Variants in DENND2A observed in about 807,000 individuals in gnomAD.
DENND2A encodes the protein DENN domain containing 2A, also known as DENN domain-containing protein 2A.
DENND2A carries 53 observed loss-of-function variants against 105.3 expected under a neutral mutation model. The ratio of observed to expected loss-of-function variants is 0.50; its 90% CI spans 0.40 to 0.63. DENND2A has a LOEUF of 0.63. DENND2A is among the 30% of genes least tolerant of loss of function. The probability of loss-of-function intolerance (pLI) is 0.00; values close to 1 mark genes in which losing one functional copy is unlikely to be tolerated. For missense variants in DENND2A, 1,138 were observed against 1,279.6 expected (o/e 0.89, Z 1.69); for synonymous variants, 522 against 508.4 (o/e 1.03, Z -0.36).
chr7:140,535,919 G>A (rs1354786577), intron 14 of DENND2A, among the ~76,000 whole-genome samples: 5 of 152,148 alleles, frequency 3.3e-5, no homozygotes, highest in Non-Finnish European at 7.4e-5. Flanking sequence ...GATGAACCCA[G>A]AAGAGAGAGC....
intron 1 of DENND2A, among the ~76,000 whole-genome samples, chr7:140,629,925 T>TC (rs943974533): frequency 6.7e-6 from 1 of 149,816 alleles, no homozygotes; most frequent in African/African-American, 2.5e-5. Context: ...TGGCGCAATC[T>TC]CAGCTCACCA....
chr7:140,542,049 A>C (rs1344441333), intron 14 of DENND2A, among the ~76,000 whole-genome samples: 1 of 150,878 alleles, frequency 6.6e-6, no homozygotes, highest in African/African-American at 2.4e-5. Flanking sequence ...ACAGTGCTTC[A>C]GGTTTTTTTT....
intron 1 of DENND2A, among the ~76,000 whole-genome samples, chr7:140,614,514 C>T (rs1800014666): frequency 6.6e-6 from 1 of 152,142 alleles, no homozygotes; most frequent in Non-Finnish European, 1.5e-5. Context: ...TTTTGGTTTA[C>T]AGGATTGTAA....
intron 14 of DENND2A, among the ~76,000 whole-genome samples, chr7:140,532,991 C>CTT (rs3042406): frequency 0.27 from 32,504 of 119,992 alleles, 5,106 homozygotes; most frequent in Non-Finnish European, 0.3. Context: ...AGGCTACCTG[C>CTT]TTTTTTTTTT....
intron 1 of DENND2A, among the ~76,000 whole-genome samples, chr7:140,617,159 G>T (rs1460665475): frequency 6.6e-6 from 1 of 152,218 alleles, no homozygotes; most frequent in African/African-American, 2.4e-5. Flanking sequence ...TGCACAGCCT[G>T]TAAGGCAGTA....
At chr7:140,614,788 A>G (rs753202145) in intron 1 of DENND2A, among the ~76,000 whole-genome samples, 1 of 152,116 alleles carries the variant, frequency 6.6e-6, no homozygotes, top group Non-Finnish European at 1.5e-5. Flanking sequence ...ATGTAATACA[A>G]CTCTTGCTAT....
At chr7:140,567,808 T>A (rs1261375233) in intron 8 of DENND2A, among the ~76,000 whole-genome samples, 1 of 152,128 alleles carries the variant, frequency 6.6e-6, no homozygotes, top group Non-Finnish European at 1.5e-5. Flanking sequence ...CCACCTCCCC[T>A]CCTGCCACTA....
At chr7:140,611,195 C>T (rs202231936) in intron 1 of DENND2A, among the ~76,000 whole-genome samples, 22 of 152,102 alleles carry the variant, frequency 1.4e-4, no homozygotes, top group East Asian at 3.9e-4. Context: ...GCATGCGCCA[C>T]CACAACTGGC....
chr7:140,534,307 A>T (rs1311741814), intron 14 of DENND2A, among the ~76,000 whole-genome samples: 2 of 149,782 alleles, frequency 1.3e-5, no homozygotes, highest in Non-Finnish European at 1.5e-5. Context: ...CTTATCTCTA[A>T]CTCTTGACCT....
intron 9 of DENND2A, among the ~76,000 whole-genome samples, chr7:140,562,688 C>A (rs866566897): frequency 7.1e-4 from 107 of 150,214 alleles, no homozygotes; most frequent in Admixed American, 3.1e-3. Flanking sequence ...ACAACAACAA[C>A]AAAAAAACCC....
At chr7:140,609,894 G>T (rs1799831060) in intron 1 of DENND2A, 1 of 152,160 alleles carries the variant, frequency 6.6e-6, no homozygotes, top group South Asian at 2.1e-4. Flanking sequence ...TTCACAGTCA[G>T]TTACGCATCC....
chr7:140,600,389 G>A (rs1323171923), intron 3 of DENND2A, among the ~76,000 whole-genome samples: 1 of 148,278 alleles, frequency 6.7e-6, no homozygotes, highest in Non-Finnish European at 1.5e-5. Flanking sequence ...AAAGTCTCAG[G>A]TCTGGCCCTG....
intron 5 of DENND2A, among the ~76,000 whole-genome samples, chr7:140,578,139 A>G (rs752555366): frequency 3.9e-5 from 6 of 152,176 alleles, no homozygotes; most frequent in Admixed American, 6.6e-5. Context: ...AAGGGAAAAG[A>G]GACAAGAACC....
At chr7:140,546,968 A>G (rs762626132) in intron 12 of DENND2A, 29 bp from the exon 13 acceptor site, 1 of 1,600,600 alleles carries the variant, frequency 6.2e-7, no homozygotes, top group Admixed American at 1.7e-5. Context: ...CAGCTTAGCT[A>G]TTCCGAAGCC....
chr7:140,536,482 G>A (rs1796460185), intron 14 of DENND2A, among the ~76,000 whole-genome samples: 1 of 152,124 alleles, frequency 6.6e-6, no homozygotes, highest in Admixed American at 6.5e-5. Context: ...GACTCCAAGA[G>A]AAGAACTGGA....
intron 5 of DENND2A, among the ~76,000 whole-genome samples, chr7:140,579,048 C>A (rs113547216): frequency 0.034 from 5,133 of 152,230 alleles, 299 homozygotes; most frequent in African/African-American, 0.11. Context: ...GTAATTCCAG[C>A]ACTTTGGGAG....
chr7:140,539,693 T>C (rs1796584211), intron 14 of DENND2A, among the ~76,000 whole-genome samples: 1 of 152,198 alleles, frequency 6.6e-6, no homozygotes, highest in Non-Finnish European at 1.5e-5. Context: ...ATGACGCAGG[T>C]CAGACCCTCA....
At position 140,567,304 on chromosome 7, in the gene DENND2A, A is replaced by AAGAGAGAGAGAGAGAGAGAGAGAG. The variant is rs60964847; in HGVS notation, c.1592-55_1592-32dup. On this transcript the variant is annotated intron_variant, in intron 8 of 19. Coordinates refer to ENST00000496613, the MANE Select transcript of DENND2A (RefSeq NM_015689.5). ...TGAGGGAGGGAGAGAGAAAGAGAGAAAGAGAGAGAGAGAGAGAGAGAGAGA... is the reference window on the plus strand; with the variant it reads ...TGAGGGAGGGAGAGAGAAAGAGAGAAAGAGAGAGAGAGAGAGAGAGAGAGAGAGAGAGAGAGAGAGAGAGAGAGA... 11 of 659,898 alleles carry AAGAGAGAGAGAGAGAGAGAGAGAG rather than the reference A, an allele frequency of 1.7e-5. No homozygotes were observed. The African/African-American group carries it at 2.5e-4, about 15-fold the overall frequency. 40.9% of individuals were successfully genotyped at this position (659,898 alleles called of 1,614,324 possible).
At position 140,601,526 on chromosome 7, in the gene DENND2A, T is replaced by C. The variant is rs1438918239; in HGVS notation, c.872A>G (p.Lys291Arg). The change falls in exon 3 of 20, where the codon AAA becomes AGA. Residue 291 changes from lysine (K) to arginine (R), a missense_variant. Physicochemically the swap from Lys to Arg is conservative, Grantham distance 26. This residue lies in a region of DENND2A where 511 missense variants were observed against 499.9 expected (regional missense o/e 1.02). Coordinates refer to ENST00000496613, the MANE Select transcript of DENND2A (RefSeq NM_015689.5). ...CAGAGGAGGCAGATTTCTTTTCTCT[T>C]TCCTGAAGCCGATGCCAGGCTTCCC... ...KDGKPGIGFR[K>R]EKRNLPPLPS... The C allele has an allele frequency of 6.2e-7, 1 of 1,614,028 alleles. No individual in the cohort carries two copies. Among genetic ancestry groups the C allele is most frequent in the Non-Finnish European group, 8.5e-7 (1 of 1,180,032 alleles).
Sources: gnomAD v4.1 joint callset for allele counts (sites outside exome capture counted in the v4.1 genomes callset) on GRCh38, gnomAD v4.1.1 for gene constraint, gnomAD v4.1.1 regional missense constraint, MANE v1.5 for transcripts, NCBI Gene and HGNC (gene_info 2026-07-23, HGNC 2026-07-21) for gene names.